HSPA12A: variants seen among roughly 807,000 people sequenced by gnomAD.
The protein encoded by HSPA12A is heat shock protein family A (Hsp70) member 12A, also known as heat shock 70 kDa protein 12A.
In HSPA12A, 28 loss-of-function variants were observed where a neutral mutation model predicts 69.2. The ratio of observed to expected loss-of-function variants is 0.40; its 90% CI spans 0.30 to 0.55. HSPA12A has a LOEUF of 0.55. Ranked by LOEUF, HSPA12A falls within the 20% of genes least tolerant of loss-of-function variation. The pLI, the probability that HSPA12A is intolerant of heterozygous loss-of-function variation, is 0.38. For missense variants in HSPA12A, 686 were observed against 900.7 expected, an observed-to-expected ratio of 0.76 and a Z score of 3.05; for synonymous variants, 345 against 370.5, an observed-to-expected ratio of 0.93 and a Z score of 0.79.
intron 6 of HSPA12A, 41 bp downstream of exon 6, chr10:116,692,310 C>T (rs1554880224): frequency 6.6e-7 from 1 of 1,503,832 alleles, no homozygotes; most frequent in African/African-American, 1.4e-5. Context: ...CATCTTGAGT[C>T]CTTCTCCTCC....
chr10:116,687,058 G>A (rs1390153336), intron 6 of HSPA12A, among the ~76,000 whole-genome samples: 2 of 152,210 alleles, frequency 1.3e-5, no homozygotes, highest in Admixed American at 1.3e-4. Flanking sequence ...GCATCCGAGT[G>A]TGCCTGGTGT....
intron 2 of HSPA12A, among the ~76,000 whole-genome samples, chr10:116,771,041 T>C (rs1844194354): frequency 6.7e-6 from 1 of 149,700 alleles, no homozygotes; most frequent in Non-Finnish European, 1.5e-5. Flanking sequence ...GACTGCAGGG[T>C]TGGGGTGGGG....
intron 2 of HSPA12A, among the ~76,000 whole-genome samples, chr10:116,771,625 A>G (rs940916036): frequency 6.6e-6 from 1 of 152,222 alleles, no homozygotes; most frequent in Non-Finnish European, 1.5e-5. Context: ...GCGAAATTCC[A>G]TCATGGGAAA....
At chr10:116,714,442 C>G (rs10787720) in intron 1 of HSPA12A, among the ~76,000 whole-genome samples, 1 of 151,946 alleles carries the variant, frequency 6.6e-6, no homozygotes, top group African/African-American at 2.4e-5. Context: ...AGCCCTATCA[C>G]TCCTTCTAAT....
In HSPA12A at chr10:116,723,005, A is replaced by G. The variant is rs1850829323; in HGVS notation, c.41-15720T>C. On this transcript the variant is annotated intron_variant, in intron 1 of 11. Coordinates refer to ENST00000369209, the MANE Select transcript of HSPA12A (RefSeq NM_025015.3). This position sits in a 1 kb window ranked among gnomAD's most constrained non-coding sequence, Gnocchi z 4.1. ...CCAAAGGAACAGCAAGGGCAAAAGCAGAGCGGTATGAAGGGCTTCCCAGAG... is the reference window on the plus strand; with the variant it reads ...CCAAAGGAACAGCAAGGGCAAAAGCGGAGCGGTATGAAGGGCTTCCCAGAG... Among the ~76,000 whole-genome samples the G allele has an allele frequency of 6.6e-6, 1 of 152,108 alleles. No individual in the cohort carries two copies. The highest frequency in any genetic ancestry group is 6.5e-5 in the Admixed American group (1 of 15,282).
intron 10 of HSPA12A, among the ~76,000 whole-genome samples, chr10:116,677,185 C>T (rs559686227): frequency 2.6e-5 from 4 of 152,312 alleles, no homozygotes; most frequent in African/African-American, 9.6e-5. Flanking sequence ...GTTGTAAAGA[C>T]GAAGTTAAAT....
intron 2 of HSPA12A, among the ~76,000 whole-genome samples, chr10:116,806,602 TG>T (rs1401081515): frequency 3.9e-5 from 6 of 152,192 alleles, no homozygotes; most frequent in Admixed American, 1.3e-4. Flanking sequence ...AATCATTTTT[TG>T]ACACAAGGTA....
At chr10:116,701,906 G>C (rs889892387) in intron 3 of HSPA12A, among the ~76,000 whole-genome samples, 1 of 152,158 alleles carries the variant, frequency 6.6e-6, no homozygotes, top group African/African-American at 2.4e-5. Context: ...GGGTATGACA[G>C]AATCAGAGCT....
At chr10:116,711,563 T>C (rs575364665) in intron 1 of HSPA12A, among the ~76,000 whole-genome samples, 1 of 152,232 alleles carries the variant, frequency 6.6e-6, no homozygotes, top group South Asian at 2.1e-4. Flanking sequence ...ACTCAAAGCA[T>C]CTTCCACTTC....
intron 1 of HSPA12A, among the ~76,000 whole-genome samples, chr10:116,727,523 A>G (rs1199293808): frequency 6.6e-6 from 1 of 152,186 alleles, no homozygotes; most frequent in East Asian, 1.9e-4. Context: ...AGATGACACA[A>G]GGGTGTGAGT....
intron 2 of HSPA12A, chr10:116,832,123 G>A (rs1589731134): frequency 6.6e-6 from 1 of 152,168 alleles, no homozygotes; most frequent in African/African-American, 2.4e-5. Flanking sequence ...CGGTCTCAAG[G>A]GGACGGAAAA....
chr10:116,836,861 A>G (rs986055458), intron 1 of HSPA12A, among the ~76,000 whole-genome samples: 1 of 152,068 alleles, frequency 6.6e-6, no homozygotes, highest in African/African-American at 2.4e-5. Context: ...TCTTTTCTTC[A>G]TCACCCATGC....
chr10:116,750,376 C>A, intron 2 of HSPA12A: 1 of 719,806 alleles, frequency 1.4e-6, no homozygotes, highest in East Asian at 2.6e-5. Flanking sequence ...GCAATAAAGT[C>A]TTGGGGGGCC....
At chr10:116,754,753 A>T (rs1419310913) in intron 2 of HSPA12A, among the ~76,000 whole-genome samples, 1 of 152,258 alleles carries the variant, frequency 6.6e-6, no homozygotes. Flanking sequence ...CTTATTAAAC[A>T]CAGGTAAGTT....
intron 1 of HSPA12A, among the ~76,000 whole-genome samples, chr10:116,736,642 GC>G (rs1467326282): frequency 6.6e-6 from 1 of 152,174 alleles, no homozygotes; most frequent in Non-Finnish European, 1.5e-5. Context: ...GAAAGCAGGG[GC>G]TGGAGTGATG....
intron 6 of HSPA12A, among the ~76,000 whole-genome samples, chr10:116,689,885 T>G (rs1358971954): frequency 2.0e-5 from 3 of 152,020 alleles, no homozygotes; most frequent in African/African-American, 7.2e-5. Context: ...AGCGTTTTGC[T>G]CTATTCAGGC....
rs539369274 is a variant in HSPA12A, at chr10:116,695,539, G to A, written c.547-3072C>T. ...TCTACTAAAAATACAAAAATTGGCC[G>A]GGCGCGGTGGCTCACACCTGTAATC... On this transcript the variant is annotated intron_variant, in intron 5 of 11. Transcript: ENST00000369209. Among the ~76,000 whole-genome samples, 7 of 151,194 alleles carry A rather than the reference G, an allele frequency of 4.6e-5. No individual in the cohort carries two copies. The South Asian group carries it at 1.3e-3, about 27-fold the overall frequency.
rs1554879558 is a variant in HSPA12A, at chr10:116,686,687, G to A, written c.664-2725C>T. Among the ~76,000 whole-genome samples the A allele has an allele frequency of 2.6e-5, 4 of 152,086 alleles. No individual in the cohort carries two copies. Among genetic ancestry groups the A allele is most frequent in the Admixed American group, 2.6e-4 (4 of 15,246 alleles). On this transcript the variant is annotated intron_variant, in intron 6 of 11. Coordinates refer to ENST00000369209, the MANE Select transcript of HSPA12A (RefSeq NM_025015.3). This position sits in a 1 kb window ranked among gnomAD's most constrained non-coding sequence, Gnocchi z 4.1. ...GGCCACGGCAGCAGGGACAGGGATG[G>A]GAAGGGAGAAAGGGTGGCATAAGCT...
chr10:116,835,097 G>T (rs1222518196), intron 1 of HSPA12A: 2 of 955,782 alleles, frequency 2.1e-6, no homozygotes, highest in South Asian at 5.3e-5. Context: ...TCGCGTACTC[G>T]TGCTGGTTGA....
Sources: allele counts gnomAD v4.1 joint callset (sites outside exome capture counted in the v4.1 genomes callset), GRCh38; gene constraint gnomAD v4.1.1; non-coding constraint Gnocchi (gnomAD v3.1); transcripts MANE v1.5; gene names NCBI Gene and HGNC (gene_info 2026-07-23, HGNC 2026-07-21).